The following EPHA6 variants were observed in gnomAD, a reference collection of about 807,000 sequenced individuals.
EPHA6 encodes the protein ephrin type-A receptor 6.
A neutral mutation model predicts 112.0 loss-of-function variants in EPHA6; 50 were observed. The observed-to-expected ratio is 0.45, with a 90% CI of 0.36 to 0.56. EPHA6 has a LOEUF of 0.56. Ranked by LOEUF, EPHA6 falls within the 20% of genes least tolerant of loss-of-function variation. The pLI, the probability that EPHA6 is intolerant of heterozygous loss-of-function variation, is 0.00. For synonymous variants in EPHA6, 529 were observed against 490.7 expected, an observed-to-expected ratio of 1.08 and a Z score of -1.03; for missense variants, 1,280 against 1,417.4, an observed-to-expected ratio of 0.90 and a Z score of 1.56.
At chr3:97,492,104 G>T (rs555118193) in intron 10 of EPHA6, among the ~76,000 whole-genome samples, 1 of 151,956 alleles carries the variant, frequency 6.6e-6, no homozygotes, top group South Asian at 2.1e-4. Context: ...ATTTTTTCAA[G>T]CTTAAAGTGA....
chr3:97,015,785 T>C (rs918854288), intron 3 of EPHA6, among the ~76,000 whole-genome samples: 7 of 152,134 alleles, frequency 4.6e-5, no homozygotes, highest in Non-Finnish European at 7.4e-5. Context: ...GCTCCCAGAC[T>C]CTGAGAGCGT....
chr3:96,989,410 G>A (rs925017170), intron 3 of EPHA6, among the ~76,000 whole-genome samples: 6 of 152,086 alleles, frequency 3.9e-5, no homozygotes, highest in Non-Finnish European at 7.4e-5. Context: ...TTCAAGTTTA[G>A]TAATATAGGT....
chr3:97,705,460 T>C (rs952945258), intron 14 of EPHA6, among the ~76,000 whole-genome samples: 1 of 152,190 alleles, frequency 6.6e-6, no homozygotes, highest in Non-Finnish European at 1.5e-5. Flanking sequence ...AGCACTGTTG[T>C]GATTGTACAC....
At chr3:96,961,023 A>C (rs1403241726) in intron 2 of EPHA6, among the ~76,000 whole-genome samples, 1 of 152,184 alleles carries the variant, frequency 6.6e-6, no homozygotes, top group Admixed American at 6.5e-5. Context: ...CCTTACAATG[A>C]AGGGAGAAAA....
intron 2 of EPHA6, among the ~76,000 whole-genome samples, chr3:96,907,712 G>C (rs1479932335): frequency 6.6e-6 from 1 of 151,626 alleles, no homozygotes; most frequent in Non-Finnish European, 1.5e-5. Flanking sequence ...CTATTTAGTA[G>C]CATCTCCCCA....
At chr3:96,852,156 A>T (rs1039797754) in intron 1 of EPHA6, among the ~76,000 whole-genome samples, 5 of 152,096 alleles carry the variant, frequency 3.3e-5, no homozygotes, top group African/African-American at 1.2e-4. Context: ...TAAGAAAAGA[A>T]TGGAAATGCC....
chr3:97,220,372 AC>A (rs1464013967), intron 3 of EPHA6, among the ~76,000 whole-genome samples: 2 of 152,138 alleles, frequency 1.3e-5, no homozygotes, highest in African/African-American at 2.4e-5. Flanking sequence ...TTATAACAGT[AC>A]CCCACTCTCT....
rs185017948 is a variant in EPHA6, at chr3:97,251,534, A to T, written c.1606+7247A>T. 2.2e-4 allele frequency among the ~76,000 whole-genome samples: 33 copies of T among 152,306 alleles called. No individual in the cohort carries two copies. In the East Asian group the frequency reaches 4.6e-3, roughly 21 times the overall value. On this transcript the variant is annotated intron_variant, in intron 5 of 17. Coordinates refer to ENST00000389672, the MANE Select transcript of EPHA6 (RefSeq NM_001080448.3). ...CAGAGGGAGACTCCGTCTCAAAAAA[A>T]AAATAAATAAAACAAAATTACTTTC...
intron 2 of EPHA6, among the ~76,000 whole-genome samples, chr3:96,935,603 A>G (rs1213911594): frequency 4.0e-5 from 6 of 149,190 alleles, no homozygotes; most frequent in Non-Finnish European, 8.9e-5. Flanking sequence ...GTTGTGAAGC[A>G]TCATATTTCA....
intron 12 of EPHA6, among the ~76,000 whole-genome samples, chr3:97,599,106 TG>T (rs1305460900): frequency 6.6e-6 from 1 of 152,180 alleles, no homozygotes; most frequent in African/African-American, 2.4e-5. Flanking sequence ...CACTTTTTGA[TG>T]GGGTTGTTTG....
chr3:97,487,917 G>A (rs1196841086), intron 10 of EPHA6, among the ~76,000 whole-genome samples: 3 of 152,106 alleles, frequency 2.0e-5, no homozygotes, highest in African/African-American at 7.2e-5. Context: ...GTCAGATTAG[G>A]GGAGAATCAT....
intron 2 of EPHA6, among the ~76,000 whole-genome samples, chr3:96,937,893 G>A (rs1576097979): frequency 6.6e-6 from 1 of 152,112 alleles, no homozygotes; most frequent in Non-Finnish European, 1.5e-5. Flanking sequence ...ATTTTTGTCA[G>A]GTTTGTCAAA....
chr3:97,245,290 T>C (rs918771921), intron 5 of EPHA6, among the ~76,000 whole-genome samples: 6 of 152,000 alleles, frequency 3.9e-5, no homozygotes, highest in African/African-American at 2.4e-5. Flanking sequence ...GGCCATCTTT[T>C]CCCTTGGTTT....
intron 15 of EPHA6, among the ~76,000 whole-genome samples, chr3:97,732,251 C>T (rs1039064965): frequency 2.0e-5 from 3 of 151,440 alleles, no homozygotes; most frequent in African/African-American, 7.3e-5. Flanking sequence ...TTCTAGATCA[C>T]ATCTCCTTTC....
At chr3:96,993,681 C>A (rs1247413197) in intron 3 of EPHA6, among the ~76,000 whole-genome samples, 4 of 152,192 alleles carry the variant, frequency 2.6e-5, no homozygotes, top group Admixed American at 1.3e-4. Context: ...CCTTCTATTT[C>A]TCTTCAGGAG....
At chr3:96,982,179 C>T (rs2042823327) in intron 2 of EPHA6, among the ~76,000 whole-genome samples, 1 of 152,140 alleles carries the variant, frequency 6.6e-6, no homozygotes, top group African/African-American at 2.4e-5. Flanking sequence ...CCTGCTTTCT[C>T]TTGTGGGTAT....
chr3:97,203,965 C>G (rs2108502433), intron 3 of EPHA6, among the ~76,000 whole-genome samples: 1 of 151,576 alleles, frequency 6.6e-6, no homozygotes, highest in East Asian at 1.9e-4. Context: ...CACATGTACC[C>G]TAAAGCTTAA....
chr3:97,589,004 TAA>T (rs972540516), intron 11 of EPHA6, among the ~76,000 whole-genome samples: 2 of 152,198 alleles, frequency 1.3e-5, no homozygotes, highest in Admixed American at 6.5e-5. Flanking sequence ...ATATCAAATT[TAA>T]AAAGATATTT....
chr3:96,945,314 G>C (rs1274172906), intron 2 of EPHA6, among the ~76,000 whole-genome samples: 2 of 152,084 alleles, frequency 1.3e-5, no homozygotes, highest in Non-Finnish European at 2.9e-5. Flanking sequence ...GTTCAAAACG[G>C]AACTCCAGAG....
Sources: gnomAD v4.1 joint callset for allele counts (sites outside exome capture counted in the v4.1 genomes callset) on GRCh38, gnomAD v4.1.1 for gene constraint, MANE v1.5 for transcripts, NCBI Gene and HGNC (gene_info 2026-07-23, HGNC 2026-07-21) for gene names.